MACROD2: variants seen among roughly 807,000 people sequenced by gnomAD.
The protein encoded by MACROD2 is mono-ADP ribosylhydrolase 2, also known as ADP-ribose glycohydrolase MACROD2.
In MACROD2, 36 loss-of-function variants were observed where a neutral mutation model predicts 70.4. The ratio of observed to expected loss-of-function variants is 0.51; its 90% CI spans 0.39 to 0.68. The LOEUF is 0.68. Among genes scored for constraint, MACROD2 ranks in the 30% least tolerant of loss-of-function variants. The pLI, the probability that MACROD2 is intolerant of heterozygous loss-of-function variation, is 0.00. For missense variants in MACROD2, 496 were observed against 538.4 expected (o/e 0.92, Z 0.78); for synonymous variants, 172 against 178.8 (o/e 0.96, Z 0.30).
chr20:15,206,719 A>C (rs1386240844), intron 5 of MACROD2, among the ~76,000 whole-genome samples: 1 of 48,130 alleles, frequency 2.1e-5, no homozygotes, highest in African/African-American at 1.1e-4. Flanking sequence ...CATATTATCT[A>C]TGTTTTTTTT....
intron 3 of MACROD2, among the ~76,000 whole-genome samples, chr20:14,133,976 G>A (rs1388173704): frequency 6.6e-6 from 1 of 152,226 alleles, no homozygotes; most frequent in Non-Finnish European, 1.5e-5. Context: ...AGATAACTCT[G>A]AAGGGCCATT....
At chr20:15,356,628 A>G (rs2078290368) in intron 6 of MACROD2, among the ~76,000 whole-genome samples, 1 of 152,174 alleles carries the variant, frequency 6.6e-6, no homozygotes, top group South Asian at 2.1e-4. Context: ...TACTGAAAGT[A>G]CAAAAATTAG....
chr20:14,668,626 C>T (rs2070761886), intron 4 of MACROD2, among the ~76,000 whole-genome samples: 1 of 152,038 alleles, frequency 6.6e-6, no homozygotes, highest in Middle Eastern at 3.2e-3. Flanking sequence ...ATATCTCAAC[C>T]TATTAATTTA....
chr20:14,896,369 G>A lies in MACROD2; in HGVS notation c.418+211410G>A, dbSNP rs142597945. 6.7e-4 allele frequency among the ~76,000 whole-genome samples: 102 copies of A among 152,246 alleles called. 1 individual carries two copies. Among genetic ancestry groups the A allele is most frequent in the Middle Eastern group, 3.4e-3 (1 of 294 alleles). ...TATTAATATCTTAAAGGAGGTATTT[G>A]TGTTGAATTCTTTGTCTTAGTCATT... On this transcript the variant is annotated intron_variant, in intron 5 of 17. Transcript: ENST00000684519.
At chr20:15,805,728 G>A (rs780765083) in intron 8 of MACROD2, among the ~76,000 whole-genome samples, 7 of 152,068 alleles carry the variant, frequency 4.6e-5, no homozygotes, top group African/African-American at 7.2e-5. Flanking sequence ...TGCCCACCTC[G>A]GCCTCCCAGA....
chr20:15,856,579 T>G (rs2064359061), intron 8 of MACROD2, among the ~76,000 whole-genome samples: 1 of 152,190 alleles, frequency 6.6e-6, no homozygotes. Context: ...CAAATCTGTT[T>G]GTCTAAACAT....
chr20:14,926,657 AGAGTG>A (rs1486506718), intron 5 of MACROD2, among the ~76,000 whole-genome samples: 1 of 152,180 alleles, frequency 6.6e-6, no homozygotes, highest in African/African-American at 2.4e-5. Flanking sequence ...TGTGGGAATG[AGAGTG>A]GAGTGTCACA....
chr20:14,881,546 C>G (rs2073611195), intron 5 of MACROD2, among the ~76,000 whole-genome samples: 1 of 152,036 alleles, frequency 6.6e-6, no homozygotes, highest in African/African-American at 2.4e-5. Flanking sequence ...CACACGGCCT[C>G]TTCAAGAAGT....
At chr20:14,227,459 G>T (rs1019762248) in intron 3 of MACROD2, among the ~76,000 whole-genome samples, 1 of 151,980 alleles carries the variant, frequency 6.6e-6, no homozygotes, top group Non-Finnish European at 1.5e-5. Flanking sequence ...GCACCCACCG[G>T]GAGGAACGAA....
At chr20:14,293,255 G>T (rs2122457953) in intron 3 of MACROD2, among the ~76,000 whole-genome samples, 1 of 151,580 alleles carries the variant, frequency 6.6e-6, no homozygotes, top group Middle Eastern at 3.4e-3. Context: ...AAAAGTCTTT[G>T]CCATCAAGTA....
chr20:15,585,502 G>C (rs529290199), intron 8 of MACROD2, among the ~76,000 whole-genome samples: 1 of 151,986 alleles, frequency 6.6e-6, no homozygotes, highest in Admixed American at 6.6e-5. Flanking sequence ...GGCCTGGAGC[G>C]TCCTTTTTAC....
chr20:15,886,542 A>G lies in MACROD2; in HGVS notation c.775+731A>G, dbSNP rs575566167. 6.4e-4 allele frequency among the ~76,000 whole-genome samples: 98 copies of G among 152,268 alleles called. 1 individual carries two copies. The highest frequency in any genetic ancestry group is 2.3e-3 in the African/African-American group (95 of 41,582). ...TAAGACCTAAAATATTGCTGTGGCC[A>G]TCTTTGGAAAATACACTTTCCACAT... On this transcript the variant is annotated intron_variant, in intron 10 of 17. Transcript: ENST00000684519.
chr20:15,302,387 C>CACACACACACACACG (rs6147301), intron 6 of MACROD2, among the ~76,000 whole-genome samples: 1 of 150,452 alleles, frequency 6.6e-6, no homozygotes, highest in Non-Finnish European at 1.5e-5. Flanking sequence ...CACACATACA[C>CACACACACACACACG]ACATACAGAT....
intron 2 of MACROD2, among the ~76,000 whole-genome samples, chr20:14,018,363 C>A (rs546020521): frequency 2.0e-5 from 3 of 151,782 alleles, no homozygotes; most frequent in Admixed American, 2.0e-4. Context: ...TGTAAAGTTA[C>A]GCTGTTGAAA....
intron 5 of MACROD2, among the ~76,000 whole-genome samples, chr20:14,745,501 G>T (rs1032484112): frequency 3.9e-5 from 6 of 152,172 alleles, no homozygotes; most frequent in African/African-American, 1.4e-4. Context: ...TTCAGAGATG[G>T]ATATCATAGT....
chr20:15,258,615 T>A (rs1328904890), intron 6 of MACROD2, among the ~76,000 whole-genome samples: 2 of 152,080 alleles, frequency 1.3e-5, no homozygotes, highest in Non-Finnish European at 2.9e-5. Flanking sequence ...AGTCCCTCTG[T>A]TGATGTTCAC....
At chr20:14,085,599 A>G in intron 2 of MACROD2, 22 bp from the exon 3 acceptor site, 1 of 1,300,668 alleles carries the variant, frequency 7.7e-7, no homozygotes, top group Non-Finnish European at 1.1e-6. Context: ...TATTATTGAT[A>G]TATATCCATT....
At chr20:15,500,488 C>T (rs762175483) in intron 8 of MACROD2, among the ~76,000 whole-genome samples, 5 of 152,112 alleles carry the variant, frequency 3.3e-5, no homozygotes, top group African/African-American at 1.2e-4. Flanking sequence ...GACCGTGGAG[C>T]GTTAAATTTC....
At chr20:14,024,490 T>G (rs988125055) in intron 2 of MACROD2, among the ~76,000 whole-genome samples, 5 of 152,212 alleles carry the variant, frequency 3.3e-5, no homozygotes, top group African/African-American at 1.2e-4. Context: ...GCTTCCAGCT[T>G]TTGCCCATTC....
Sources: gnomAD v4.1 joint callset for allele counts (sites outside exome capture counted in the v4.1 genomes callset) on GRCh38, gnomAD v4.1.1 for gene constraint, MANE v1.5 for transcripts, NCBI Gene and HGNC (gene_info 2026-07-23, HGNC 2026-07-21) for gene names.